The following CBLN2 variants were observed in gnomAD, a reference collection of about 807,000 sequenced individuals.
CBLN2 encodes cerebellin 2 precursor.
In CBLN2, 7 loss-of-function variants were observed where a neutral mutation model predicts 15.0. The ratio of observed to expected loss-of-function variants is 0.47; its 90% CI spans 0.27 to 0.88. CBLN2 has a LOEUF of 0.88. Ranked by LOEUF, CBLN2 falls within the 40% of genes least tolerant of loss-of-function variation. The pLI is 0.14. For missense variants in CBLN2, 242 were observed against 304.5 expected, an observed-to-expected ratio of 0.79 and a Z score of 1.53; for synonymous variants, 149 against 135.2, an observed-to-expected ratio of 1.10 and a Z score of -0.71.
At chr18:72,620,717 G>A (rs1016507706) in intron 1 of CBLN2, 12 of 152,146 alleles carry the variant, frequency 7.9e-5, no homozygotes, top group African/African-American at 2.9e-4. Flanking sequence ...ACCCTCGTCT[G>A]CCTAGAATTT....
At chr18:72,600,876 C>G (rs779312234) in intron 1 of CBLN2, among the ~76,000 whole-genome samples, 38 of 152,110 alleles carry the variant, frequency 2.5e-4, no homozygotes, top group Non-Finnish European at 5.0e-4. Context: ...GAGTCACCCT[C>G]TAGGTGGGGT....
chr18:72,538,151 C>T lies in CBLN2; in HGVS notation c.*25G>A, dbSNP rs1417420075. On this transcript the variant is annotated 3_prime_UTR_variant, in exon 5 of 5. Coordinates refer to ENST00000269503, the MANE Select transcript of CBLN2 (RefSeq NM_182511.4). Reference sequence around the variant, plus strand: ...GAGTCCTGGGTCCAGTTTGCCATTCCCCCACCATCTAGGGGGCTCTGTGTT... The same window carrying T: ...GAGTCCTGGGTCCAGTTTGCCATTCTCCCACCATCTAGGGGGCTCTGTGTT... The T allele has an allele frequency of 8.7e-6, 14 of 1,613,212 alleles. No homozygotes were observed. The highest frequency in any genetic ancestry group is 1.3e-5 in the African/African-American group (1 of 74,872).
At chr18:72,574,459 G>A (rs1432919800) in intron 1 of CBLN2, among the ~76,000 whole-genome samples, 2 of 152,126 alleles carry the variant, frequency 1.3e-5, no homozygotes, top group Non-Finnish European at 2.9e-5. Flanking sequence ...CAGGAGAAGG[G>A]GGCTGTGGCC....
At chr18:72,580,707 A>C (rs1051444921) in intron 1 of CBLN2, among the ~76,000 whole-genome samples, 2 of 152,208 alleles carry the variant, frequency 1.3e-5, no homozygotes, top group African/African-American at 4.8e-5. Flanking sequence ...TATTGTGTAA[A>C]TATACCACAT....
At chr18:72,628,593 G>A (rs1361593885) in intron 1 of CBLN2, among the ~76,000 whole-genome samples, 1 of 152,184 alleles carries the variant, frequency 6.6e-6, no homozygotes, top group Non-Finnish European at 1.5e-5. Flanking sequence ...AGAGAAAGGG[G>A]TGAGGCAGTC....
Position 72,617,644 on chromosome 18 carries a change from G to A in CBLN2, c.15+20681C>T, listed in dbSNP as rs2069671017. Among the ~76,000 whole-genome samples the A allele has an allele frequency of 2.0e-5, 3 of 152,306 alleles. No homozygotes were observed. The South Asian group carries it at 6.2e-4, about 32-fold the overall frequency. The stretch of plus-strand genomic sequence containing the variant: ...AGAAAGGTGAAATTTATTTGCAAAT[G>A]CTCATGAACCTGTTCAGTTTTGCCA... On this transcript the variant is annotated intron_variant, in intron 1 of 2. Coordinates refer to the CBLN2 transcript ENST00000581073.
In CBLN2 at chr18:72,625,897, T is replaced by C. The variant is rs145144450; in HGVS notation, c.15+12428A>G. 2.7e-3 allele frequency among the ~76,000 whole-genome samples: 397 copies of C among 149,030 alleles called. 4 individuals are homozygous for C. The highest frequency in any genetic ancestry group is 9.4e-3 in the African/African-American group (383 of 40,848). On this transcript the variant is annotated intron_variant, in intron 1 of 2. Coordinates refer to the CBLN2 transcript ENST00000581073. Reference sequence around the variant, plus strand: ...TTAGACCAAATGCTGAAGATGTTCTTATACTATTTTGGATGTGTTGTGATT... The same window carrying C: ...TTAGACCAAATGCTGAAGATGTTCTCATACTATTTTGGATGTGTTGTGATT...
At chr18:72,606,407 GT>G (rs958320601) in intron 1 of CBLN2, among the ~76,000 whole-genome samples, 4 of 152,070 alleles carry the variant, frequency 2.6e-5, no homozygotes, top group Non-Finnish European at 4.4e-5. Flanking sequence ...TTCCTTTGGG[GT>G]TATAGTAGTA....
chr18:72,625,812 CTCTCTCTATATATATA>C (rs1419998434), intron 1 of CBLN2, among the ~76,000 whole-genome samples: 22 of 69,064 alleles, frequency 3.2e-4, no homozygotes, highest in African/African-American at 7.2e-4. Flanking sequence ...CTCTCTCTCT[CTCTCTCTATATATATA>C]TATATATATA....
chr18:72,576,209 T>G (rs1362799096), intron 1 of CBLN2, among the ~76,000 whole-genome samples: 2 of 152,204 alleles, frequency 1.3e-5, no homozygotes, highest in Non-Finnish European at 2.9e-5. Flanking sequence ...TTATTAATGG[T>G]GACTTTGCTT....
intron 2 of CBLN2, among the ~76,000 whole-genome samples, chr18:72,542,540 G>A (rs998820049): frequency 2.0e-5 from 3 of 152,086 alleles, no homozygotes; most frequent in Non-Finnish European, 4.4e-5. Context: ...CCCGAGCAGC[G>A]CGCGGGGCTG....
intron 1 of CBLN2, among the ~76,000 whole-genome samples, chr18:72,559,146 C>T (rs1315368952): frequency 6.6e-6 from 1 of 152,216 alleles, no homozygotes; most frequent in Admixed American, 6.5e-5. Context: ...CCAGCACTCC[C>T]CAGGTCTGGC....
intron 1 of CBLN2, among the ~76,000 whole-genome samples, chr18:72,609,029 C>T (rs1429835193): frequency 2.0e-5 from 3 of 152,154 alleles, no homozygotes; most frequent in African/African-American, 7.2e-5. Flanking sequence ...CCAGCTTTGA[C>T]ATGGGTATTA....
At chr18:72,618,240 G>A in intron 1 of CBLN2, 1 of 269,540 alleles carries the variant, frequency 3.7e-6, no homozygotes, top group Non-Finnish European at 7.3e-6. Context: ...AGGAAGCATT[G>A]TTAAAGTCTC....
At chr18:72,587,519 G>T (rs566144740) in intron 1 of CBLN2, among the ~76,000 whole-genome samples, 2 of 151,948 alleles carry the variant, frequency 1.3e-5, no homozygotes, top group Non-Finnish European at 2.9e-5. Context: ...TTTAAAAAAA[G>T]ACTACAAAGT....
intron 1 of CBLN2, chr18:72,618,248 C>T (rs887098749): frequency 8.3e-5 from 23 of 278,002 alleles, no homozygotes; most frequent in Admixed American, 2.7e-4. Flanking sequence ...TTGTTAAAGT[C>T]TCTCTTTCCC....
chr18:72,542,924 CACA>C (rs1382381113), intron 2 of CBLN2: 3 of 153,136 alleles, frequency 2.0e-5, no homozygotes, highest in Non-Finnish European at 4.3e-5. Flanking sequence ...CACACACACA[CACA>C]CACACACACA....
chr18:72,567,919 A>G (rs933895100), intron 1 of CBLN2, among the ~76,000 whole-genome samples: 7 of 152,344 alleles, frequency 4.6e-5, no homozygotes, highest in Middle Eastern at 3.4e-3. Context: ...ACAAGAAGCA[A>G]TAATTTTCCA....
At chr18:72,601,561 G>T (rs1438336242) in intron 1 of CBLN2, among the ~76,000 whole-genome samples, 2 of 152,154 alleles carry the variant, frequency 1.3e-5, no homozygotes, top group Non-Finnish European at 2.9e-5. Flanking sequence ...ACGCCATTTC[G>T]CAGACCCTCA....
Sources: allele counts gnomAD v4.1 joint callset (sites outside exome capture counted in the v4.1 genomes callset), GRCh38; gene constraint gnomAD v4.1.1; transcripts MANE v1.5; gene names NCBI Gene and HGNC (gene_info 2026-07-23, HGNC 2026-07-21).